CARS2: variants seen among roughly 807,000 people sequenced by gnomAD.
CARS2 encodes the protein cysteinyl-tRNA synthetase 2, mitochondrial, also known as probable cysteine--tRNA ligase, mitochondrial.
Under a neutral mutation model 68.8 loss-of-function variants are expected in CARS2, and 52 were observed. The ratio of observed to expected loss-of-function variants is 0.76; its 90% CI spans 0.61 to 0.95. The LOEUF is 0.95. CARS2 is among the 40% of genes least tolerant of loss of function. The probability of loss-of-function intolerance (pLI) is 0.00; values close to 1 mark genes in which losing one functional copy is unlikely to be tolerated. For synonymous variants in CARS2, 314 were observed against 303.6 expected, an observed-to-expected ratio of 1.03 and a Z score of -0.36; for missense variants, 780 against 754.2, an observed-to-expected ratio of 1.03 and a Z score of -0.40.
chr13:110,678,153 A>ACCG (rs2063025167), intron 6 of CARS2: 1 of 152,228 alleles, frequency 6.6e-6, no homozygotes, highest in Non-Finnish European at 1.5e-5. Context: ...ACTGTGGACC[A>ACCG]GGTGGGGTTT....
At chr13:110,642,843 A>G in intron 13 of CARS2, 3 of 598,430 alleles carry the variant, frequency 5.0e-6, no homozygotes, top group South Asian at 4.6e-5. Context: ...GACCTCACGC[A>G]ATTGTGGCCG....
In CARS2 at chr13:110,665,034, G is replaced by A; in HGVS notation, c.920-1516C>T. 1.0e-6 allele frequency: 1 copy of A among 985,448 alleles called. No homozygotes were observed. The highest frequency in any genetic ancestry group is 1.2e-6 in the Non-Finnish European group (1 of 829,938). 61.0% of individuals were successfully genotyped at this position (985,448 alleles called of 1,614,324 possible). ...TTAGCTCTTCCATCCACTGGGTACA[G>A]GAGAACAGGTGTCACTTCTCCTGCG... On this transcript the variant is annotated intron_variant, in intron 8 of 14. Coordinates refer to ENST00000257347, the MANE Select transcript of CARS2 (RefSeq NM_024537.4). The surrounding 1 kb of genome is among the most constrained non-coding windows in gnomAD (Gnocchi z 4.3).
intron 13 of CARS2, chr13:110,643,978 G>A (rs1390051827): frequency 1.1e-5 from 6 of 549,250 alleles, no homozygotes; most frequent in African/African-American, 5.9e-5. Context: ...CGGGGAGCCC[G>A]TCCTGTCCGT....
intron 9 of CARS2, among the ~76,000 whole-genome samples, chr13:110,651,869 A>G (rs1460404359): frequency 6.6e-6 from 1 of 152,238 alleles, no homozygotes; most frequent in East Asian, 1.9e-4. Flanking sequence ...GCTACTTTTA[A>G]GAGATGAGAT....
upstream of CARS2, chr13:110,706,368 T>G (rs1594439591): frequency 4.1e-6 from 1 of 246,424 alleles, no homozygotes. Context: ...GAAGAGGCGG[T>G]ACCGTGCCGA....
chr13:110,671,950 G>A (rs9521888), intron 7 of CARS2, among the ~76,000 whole-genome samples: 117,935 of 152,106 alleles, frequency 0.78, 46,429 homozygotes, highest in East Asian at 0.85. Context: ...AACCAACAAA[G>A]ATCAAAAGAG....
chr13:110,641,710 G>A (rs1594195834), intron 14 of CARS2, 102 bp from the exon 15 acceptor site: 1 of 949,442 alleles, frequency 1.1e-6, no homozygotes, highest in South Asian at 1.3e-5. Flanking sequence ...TCCCTCACCG[G>A]CCTGTCCTAA....
chr13:110,712,963 C>G (rs115915862), intron 1 of CARS2: 58 of 1,559,868 alleles, frequency 3.7e-5, no homozygotes, highest in Non-Finnish European at 4.9e-5. Context: ...GAGTGGTGGT[C>G]CGGCCGCGGA....
At chr13:110,707,701 AGAAAAAGTCCCCTTT>A (rs2063992018), upstream of CARS2, 2 of 152,132 alleles carry the variant, frequency 1.3e-5, no homozygotes, top group Non-Finnish European at 2.9e-5. Context: ...CTCAAAAAAA[AGAAAAAGTCCCCTTT>A]GCTTTTCCAG....
Position 110,649,931 on chromosome 13 carries a change from C to CT in CARS2, c.1054+1102dup, listed in dbSNP as rs59276783. 8.9e-4 allele frequency among the ~76,000 whole-genome samples: 65 copies of CT among 73,006 alleles called. 1 individual carries two copies. Among genetic ancestry groups the CT allele is most frequent in the African/African-American group, 1.5e-3 (29 of 19,250 alleles). 47.9% of individuals were successfully genotyped at this position (73,006 alleles called of 152,430 possible). ...CCAGGGATGCAGCTCTGGATAACGACTTTTTTTTTTTTTTTTTTTTTTTTG... is the reference window on the plus strand; with the variant it reads ...CCAGGGATGCAGCTCTGGATAACGACTTTTTTTTTTTTTTTTTTTTTTTTTG... On this transcript the variant is annotated intron_variant, in intron 10 of 14. Coordinates refer to ENST00000257347, the MANE Select transcript of CARS2 (RefSeq NM_024537.4).
At chr13:110,691,765 A>G (rs751516736) in intron 3 of CARS2, among the ~76,000 whole-genome samples, 18 of 152,042 alleles carry the variant, frequency 1.2e-4, no homozygotes, top group Admixed American at 2.6e-4. Flanking sequence ...TGCTTTGTAC[A>G]GGTGTTTAAT....
chr13:110,646,738 C>T (rs144377643), intron 11 of CARS2: 27 of 209,112 alleles, frequency 1.3e-4, no homozygotes, highest in African/African-American at 5.7e-4. Context: ...GAGCAGGGGG[C>T]TCAGAGCCCG....
chr13:110,686,019 A>G (rs1383725566), intron 5 of CARS2, among the ~76,000 whole-genome samples: 1 of 151,688 alleles, frequency 6.6e-6, no homozygotes, highest in African/African-American at 2.4e-5. Flanking sequence ...AGAAAAAAAG[A>G]AAAAAAGAAA....
intron 9 of CARS2, among the ~76,000 whole-genome samples, chr13:110,652,709 G>A (rs555894929): frequency 4.6e-5 from 7 of 152,324 alleles, no homozygotes; most frequent in South Asian, 2.1e-4. Context: ...GTGGGGTGGC[G>A]TTAATCAGAA....
Position 110,705,603 on chromosome 13 carries a change from A to G in CARS2, c.225-32T>C. The G allele has an allele frequency of 6.3e-7, 1 of 1,591,258 alleles. No homozygotes were observed. Among genetic ancestry groups the G allele is most frequent in the Non-Finnish European group, 8.6e-7 (1 of 1,159,226 alleles). On this transcript the variant is annotated intron_variant, in intron 1 of 14. Transcript: ENST00000257347. This position sits in a 1 kb window ranked among gnomAD's most constrained non-coding sequence, Gnocchi z 4.0. ...ACAAAGTTAAAATCCATCGTGTGGA[A>G]CATATTTGCAAGAAAGGACATTCGA...
chr13:110,648,482 T>A (rs992132897), intron 10 of CARS2: 12 of 152,290 alleles, frequency 7.9e-5, no homozygotes, highest in Non-Finnish European at 1.5e-4. Context: ...CAGCACAGAC[T>A]GCAAGGGATG....
intron 7 of CARS2, among the ~76,000 whole-genome samples, chr13:110,675,801 C>G (rs768553790): frequency 6.6e-6 from 1 of 152,196 alleles, no homozygotes. Flanking sequence ...AGTCTAAACG[C>G]GCGGCTGGGT....
At chr13:110,701,387 C>A in intron 3 of CARS2, 51 bp downstream of exon 3, 1 of 905,454 alleles carries the variant, frequency 1.1e-6, no homozygotes, top group Non-Finnish European at 1.8e-6. Flanking sequence ...AGGAAGGGCT[C>A]AGAACACTAA....
intron 5 of CARS2, among the ~76,000 whole-genome samples, chr13:110,684,413 C>T (rs1407947640): frequency 6.6e-6 from 1 of 151,958 alleles, no homozygotes; most frequent in East Asian, 2.0e-4. Context: ...GCCTCATGTC[C>T]TCAGCCTGGA....
Sources: allele counts gnomAD v4.1 joint callset (sites outside exome capture counted in the v4.1 genomes callset), GRCh38; gene constraint gnomAD v4.1.1; non-coding constraint Gnocchi (gnomAD v3.1); transcripts MANE v1.5; gene names NCBI Gene and HGNC (gene_info 2026-07-23, HGNC 2026-07-21).